Variants in WIZ observed in about 807,000 individuals in gnomAD.
WIZ encodes protein Wiz.
In WIZ, 25 loss-of-function variants were observed where a neutral mutation model predicts 140.2. The observed-to-expected ratio is 0.18, with a 90% CI of 0.13 to 0.25. The LOEUF is 0.25. Ranked by LOEUF, WIZ falls within the 10% of genes least tolerant of loss-of-function variation. The pLI, the probability that WIZ is intolerant of heterozygous loss-of-function variation, is 1.00. For missense variants in WIZ, 2,231 were observed against 2,632.6 expected (o/e 0.85, Z 3.34); for synonymous variants, 1,125 against 1,154.3 (o/e 0.97, Z 0.51).
At chr19:15,448,417 G>T in intron 1 of WIZ, 50 bp from the exon 2 acceptor site, 1 of 1,374,700 alleles carries the variant, frequency 7.3e-7, no homozygotes, top group South Asian at 1.3e-5. Context: ...AAGGGAATCT[G>T]CCTCAGTTTC....
At chr19:15,429,512 G>A in intron 7 of WIZ, 74 bp downstream of exon 7, 1 of 1,075,982 alleles carries the variant, frequency 9.3e-7, no homozygotes, top group Non-Finnish European at 1.2e-6. Flanking sequence ...CCCTGTCCCT[G>A]GGCTACAGCC....
In WIZ at chr19:15,427,027, C is replaced by T. The variant is rs1346926827; in HGVS notation, c.4321G>A (p.Gly1441Ser). The T allele has an allele frequency of 3.7e-6, 6 of 1,614,038 alleles. No homozygotes were observed. The highest frequency in any genetic ancestry group is 4.2e-6 in the Non-Finnish European group (5 of 1,180,024). ...ALHGELHPSE[G>S]PWGAPREDMT... is the part of the protein sequence containing the mutation. ...TCTTCCCGTGGTGCCCCCCAGGGAC[C>T]CTCAGATGGGTGCAGTTCCCCATGA... The change falls in exon 9 of 13, where the codon GGT (glycine) becomes AGT (serine). Residue 1441 changes from glycine (G) to serine (S), a missense_variant. Coordinates refer to ENST00000673675, the MANE Select transcript of WIZ (RefSeq NM_001371589.1). This position sits in a 1 kb window ranked among gnomAD's most constrained non-coding sequence, Gnocchi z 6.4.
intron 6 of WIZ, 65 bp downstream of exon 6, chr19:15,430,947 A>G (rs1230129359): frequency 6.9e-7 from 1 of 1,452,142 alleles, no homozygotes; most frequent in African/African-American, 1.4e-5. Flanking sequence ...CCAAGGCACG[A>G]GAGTGCTCCT....
rs1184814416 is a variant in WIZ, at chr19:15,427,210, G to A, written c.4138C>T (p.Pro1380Ser). 2 of 1,614,188 alleles carry A rather than the reference G, an allele frequency of 1.2e-6. No homozygotes were observed. Among genetic ancestry groups the A allele is most frequent in the South Asian group, 1.1e-5 (1 of 91,082 alleles). ...HISPLAKKLPPPPGSPLGHSP... is the reference protein window; with the variant it reads ...HISPLAKKLPSPPGSPLGHSP... ...TGGCCCAGGGGGCTGCCCGGTGGTG[G>A]TGGCAACTTCTTGGCCAAGGGTGAG... Residue 1380 changes from proline (P) to serine (S), a missense_variant, in exon 9 of 13, where the codon CCA (proline) becomes TCA (serine). Physicochemically the swap from Pro to Ser is moderately conservative, Grantham distance 74. Transcript: ENST00000673675. The surrounding 1 kb of genome is among the most constrained non-coding windows in gnomAD (Gnocchi z 6.4).
rs1478580699 is a variant in WIZ, at chr19:15,439,488, G to T, written c.1506C>A (p.Asp502Glu). ...WEEDGEAYEE[D>E]PASQPGTSQD... ...GGCTAGTGCCTGGCTGGCTGGCAGGGTCTTCCTCATAAGCCTCGCCATCCT... is the reference window on the plus strand; with the variant it reads ...GGCTAGTGCCTGGCTGGCTGGCAGGTTCTTCCTCATAAGCCTCGCCATCCT... Residue 502 changes from aspartate (D) to glutamate (E), a missense_variant, in exon 4 of 13, where the codon GAC becomes GAA. Physicochemically the swap from Asp to Glu is conservative, Grantham distance 45. Coordinates refer to ENST00000673675, the MANE Select transcript of WIZ (RefSeq NM_001371589.1). This position sits in a 1 kb window ranked among gnomAD's most constrained non-coding sequence, Gnocchi z 7.0. The T allele has an allele frequency of 1.3e-6, 2 of 1,535,102 alleles. No individual in the cohort carries two copies. Among genetic ancestry groups the T allele is most frequent in the Admixed American group, 2.0e-5 (1 of 50,898 alleles).
chr19:15,431,434 A>G (rs1355360227), intron 5 of WIZ, among the ~76,000 whole-genome samples: 1 of 152,188 alleles, frequency 6.6e-6, no homozygotes, highest in Non-Finnish European at 1.5e-5. Flanking sequence ...GTCTAATGCA[A>G]ATCTGAGCCC....
In WIZ at chr19:15,440,353, G is replaced by C; in HGVS notation, c.641C>G (p.Pro214Arg). Residue 214 changes from proline (P) to arginine (R), a missense_variant, in exon 4 of 13, where the codon CCC becomes CGC. Transcript: ENST00000673675. The surrounding 1 kb of genome is among the most constrained non-coding windows in gnomAD (Gnocchi z 6.2). ...CACTGGCACAAACACCCTCCTGAAG[G>C]GGGCGAGGGGTGGCGGCTGGGCAGG... is the stretch of plus-strand genomic sequence containing the variant. ...DLPAQPPPLA[P>R]FRRVFVPVED... is the part of the protein sequence containing the mutation. 6.5e-7 allele frequency: 1 copy of C among 1,529,490 alleles called. No individual in the cohort carries two copies. Among genetic ancestry groups the C allele is most frequent in the Non-Finnish European group, 8.8e-7 (1 of 1,142,192 alleles). The allele number at this position is 1,529,490 out of a possible 1,614,324, so 94.7% of individuals were successfully genotyped here. A position where few individuals can be genotyped will look rare whatever the true frequency, so the allele number is the denominator to read the frequency against.
At chr19:15,448,432 C>T in intron 1 of WIZ, 65 bp from the exon 2 acceptor site, 1 of 1,225,224 alleles carries the variant, frequency 8.2e-7, no homozygotes, top group Non-Finnish European at 1.1e-6. Flanking sequence ...AGTTTCCCAT[C>T]CCTCAAAACC....
In WIZ at chr19:15,439,972, G is replaced by C; in HGVS notation, c.1022C>G (p.Pro341Arg). The C allele has an allele frequency of 6.5e-7, 1 of 1,535,604 alleles. No individual in the cohort carries two copies. Among genetic ancestry groups the C allele is most frequent in the Non-Finnish European group, 8.7e-7 (1 of 1,146,658 alleles). The part of the protein sequence containing the change: ...LEHMSQHRRA[P>R]GQEPPADLAP... ...CAGGTCCGCAGGGGGCTCCTGGCCC[G>C]GGGCTCGGCGGTGCTGGCTCATGTG... Residue 341 changes from proline (P) to arginine (R), a missense_variant, in exon 4 of 13, where the codon CCG becomes CGG. Pro to Arg is a moderately radical substitution (Grantham distance 103, BLOSUM62 -2). Around this residue, in one of 15 missense-constraint regions of WIZ, gnomAD observed 475 missense variants for 520.2 expected, o/e 0.91. Coordinates refer to ENST00000673675, the MANE Select transcript of WIZ (RefSeq NM_001371589.1). This position sits in a 1 kb window ranked among gnomAD's most constrained non-coding sequence, Gnocchi z 7.0.
chr19:15,433,207 T>A (rs1969381254), intron 5 of WIZ: 1 of 973,774 alleles, frequency 1.0e-6, no homozygotes, highest in South Asian at 4.8e-5. Flanking sequence ...CATCCTGTTA[T>A]CCAACCGTCC....
Position 15,439,191 on chromosome 19 carries a change from G to T in WIZ, c.1803C>A (p.Val601=). The change falls in exon 4 of 13, where the codon GTC becomes GTA. Residue 601 remains valine (V), a synonymous_variant. Transcript: ENST00000673675. The surrounding 1 kb of genome is among the most constrained non-coding windows in gnomAD (Gnocchi z 7.0). ...TCCGTTCCCCCAGCCCTTGTGGGTG[G>T]ACGGTGCTTTTGTTTCTCCCGAGCT... ...SLQLGRNKST[V]HPQGLGERRR... 6.5e-7 allele frequency: 1 copy of T among 1,535,620 alleles called. No homozygotes were observed. Among genetic ancestry groups the T allele is most frequent in the African/African-American group, 1.4e-5 (1 of 73,166 alleles).
chr19:15,449,615 C>T (rs1970044695), intron 1 of WIZ, 183 bp downstream of exon 1: 2 of 150,950 alleles, frequency 1.3e-5, no homozygotes, highest in South Asian at 4.1e-4. Flanking sequence ...GGACACCTGC[C>T]CCAAGACCCC....
chr19:15,442,566 T>C lies in WIZ; in HGVS notation c.278+110A>G. 2.3e-6 allele frequency: 2 copies of C among 886,586 alleles called. No homozygotes were observed. Among genetic ancestry groups the C allele is most frequent in the Non-Finnish European group, 3.0e-6 (2 of 672,700 alleles). The allele number at this position is 886,586 out of a possible 1,614,324, so 54.9% of individuals were successfully genotyped here. Reference sequence around the variant, plus strand: ...AGCTGACTCCTCCTCCTGCCTGGCCTCCTGATTCCCTCCTGTCCCCTTCTC... The same window carrying C: ...AGCTGACTCCTCCTCCTGCCTGGCCCCCTGATTCCCTCCTGTCCCCTTCTC... On this transcript the variant is annotated intron_variant, in intron 3 of 12. Transcript: ENST00000673675. The surrounding 1 kb of genome is among the most constrained non-coding windows in gnomAD (Gnocchi z 5.5).
In WIZ at chr19:15,431,142, C is replaced by G. The variant is rs986339104; in HGVS notation, c.2781G>C (p.Leu927Phe). 61 of 1,534,412 alleles carry G rather than the reference C, an allele frequency of 4.0e-5. No individual in the cohort carries two copies. Among genetic ancestry groups the G allele is most frequent in the Non-Finnish European group, 5.1e-5 (58 of 1,146,024 alleles). The stretch of plus-strand genomic sequence containing the variant: ...TCTTCTTAGGGAGCGAGGGAGAGCC[C>G]AAGTCCATGGCCACCATTGCGTTTT... ...SEENAMVAMD[L>F]GSPSLPKKSL... Residue 927 changes from leucine to phenylalanine, a missense_variant, in exon 6 of 13, where the codon TTG becomes TTC. Around this residue, in one of 15 missense-constraint regions of WIZ, gnomAD observed 137 missense variants for 135.8 expected, o/e 1.01. Coordinates refer to ENST00000673675, the MANE Select transcript of WIZ (RefSeq NM_001371589.1).
rs1195923198 is a variant in WIZ at position 15,421,165 on chromosome 19, G to A, written c.*1911C>T. On this transcript the variant is annotated 3_prime_UTR_variant, in exon 13 of 13. Transcript: ENST00000673675. ...ACTGACTTATGAAAAGTTGAAAGAGGAAGAAACACCTTTGAGTCAGCTCAC... is the reference window on the plus strand; with the variant it reads ...ACTGACTTATGAAAAGTTGAAAGAGAAAGAAACACCTTTGAGTCAGCTCAC... 2.6e-5 allele frequency: 4 copies of A among 152,254 alleles called. No homozygotes were observed. Among genetic ancestry groups the A allele is most frequent in the Non-Finnish European group, 5.9e-5 (4 of 68,052 alleles). The allele number at this position is 152,254 out of a possible 1,614,324, so 9.4% of individuals were successfully genotyped here. A position where few individuals can be genotyped will look rare whatever the true frequency, so the allele number is the denominator to read the frequency against.
chr19:15,430,242 G>A (rs138522440), intron 6 of WIZ, among the ~76,000 whole-genome samples, 153 bp from the exon 7 acceptor site: 2 of 152,304 alleles, frequency 1.3e-5, no homozygotes, highest in East Asian at 1.9e-4. Flanking sequence ...CCCTAACAAC[G>A]CAGAGAATAG....
At chr19:15,431,798 C>A (rs1434998299) in intron 5 of WIZ, among the ~76,000 whole-genome samples, 1 of 152,222 alleles carries the variant, frequency 6.6e-6, no homozygotes, top group Non-Finnish European at 1.5e-5. Context: ...AATCACAGAA[C>A]TTTGTGTTAA....
chr19:15,442,558 G>C lies in WIZ; in HGVS notation c.278+118C>G. ...CTGCCGGGAGCTGACTCCTCCTCCT[G>C]CCTGGCCTCCTGATTCCCTCCTGTC... is the stretch of plus-strand genomic sequence containing the variant. On this transcript the variant is annotated intron_variant, in intron 3 of 12. Coordinates refer to ENST00000673675, the MANE Select transcript of WIZ (RefSeq NM_001371589.1). The surrounding 1 kb of genome is among the most constrained non-coding windows in gnomAD (Gnocchi z 5.5). 1.3e-6 allele frequency: 1 copy of C among 799,280 alleles called. No homozygotes were observed. Among genetic ancestry groups the C allele is most frequent in the Non-Finnish European group, 1.7e-6 (1 of 593,184 alleles). The allele number at this position is 799,280 out of a possible 1,614,324, so 49.5% of individuals were successfully genotyped here.
At position 15,425,339 on chromosome 19, in the gene WIZ, T is replaced by C; in HGVS notation, c.4796A>G (p.Glu1599Gly). 1 of 1,564,912 alleles carries C rather than the reference T, an allele frequency of 6.4e-7. No homozygotes were observed. Among genetic ancestry groups the C allele is most frequent in the Non-Finnish European group, 8.7e-7 (1 of 1,155,160 alleles). ...GSVAAKRPLQ[E>G]DRLLPAEVKA... The stretch of plus-strand genomic sequence containing the variant: ...GACCTCTGCTGGGAGGAGGCGGTCC[T>C]CCTGCAGGGGCCGCTTGGCTGCCAC... The change falls in exon 10 of 13, where the codon GAG (glutamate) becomes GGG (glycine). Residue 1599 changes from glutamate (E) to glycine (G), a missense_variant. Physicochemically the swap from Glu to Gly is moderately conservative, Grantham distance 98. This residue lies in a region of WIZ where 393 missense variants were observed against 451.7 expected (regional missense o/e 0.87). Transcript: ENST00000673675.
Sources: gnomAD v4.1 joint callset for allele counts (sites outside exome capture counted in the v4.1 genomes callset) on GRCh38, gnomAD v4.1.1 for gene constraint, gnomAD v4.1.1 regional missense constraint, Gnocchi (gnomAD v3.1) non-coding constraint, MANE v1.5 for transcripts, NCBI Gene and HGNC (gene_info 2026-07-23, HGNC 2026-07-21) for gene names.